The following SENP7 variants were observed in gnomAD, a reference collection of about 807,000 sequenced individuals.
SENP7 encodes the protein sentrin-specific protease 7.
SENP7 carries 64 observed loss-of-function variants against 141.2 expected under a neutral mutation model. The ratio of observed to expected loss-of-function variants is 0.45; its 90% CI spans 0.37 to 0.56. The LOEUF (loss-of-function observed/expected upper bound fraction) is 0.56. Ranked by LOEUF, SENP7 falls within the 20% of genes least tolerant of loss-of-function variation. SENP7 has a pLI of 0.00. For missense variants in SENP7, 1,025 were observed against 1,212.2 expected (o/e 0.85, Z 2.29); for synonymous variants, 382 against 426.4 (o/e 0.90, Z 1.28).
At chr3:101,487,362 T>C (rs1027033528) in intron 3 of SENP7, among the ~76,000 whole-genome samples, 2 of 152,244 alleles carry the variant, frequency 1.3e-5, no homozygotes, top group Non-Finnish European at 2.9e-5. Context: ...TTACAGAATC[T>C]GGATATTAGA....
intron 3 of SENP7, among the ~76,000 whole-genome samples, chr3:101,475,266 C>T (rs2064169974): frequency 6.6e-6 from 1 of 152,086 alleles, no homozygotes; most frequent in Non-Finnish European, 1.5e-5. Context: ...ATGTTCACTG[C>T]AGCATTATTC....
At chr3:101,388,044 C>G (rs895609361) in intron 6 of SENP7, among the ~76,000 whole-genome samples, 5 of 152,220 alleles carry the variant, frequency 3.3e-5, no homozygotes, top group African/African-American at 1.2e-4. Flanking sequence ...CCACCACAGA[C>G]ACCCACTTGT....
intron 15 of SENP7, 57 bp downstream of exon 15, chr3:101,341,589 A>T: frequency 7.4e-7 from 1 of 1,347,054 alleles, no homozygotes; most frequent in Non-Finnish European, 9.8e-7. Flanking sequence ...AAGCAGCAAC[A>T]TGAATAAAAA....
At chr3:101,402,658 C>T (rs987218605) in intron 5 of SENP7, among the ~76,000 whole-genome samples, 2 of 150,058 alleles carry the variant, frequency 1.3e-5, no homozygotes, top group African/African-American at 4.9e-5. Context: ...TTTGCCTGTA[C>T]TCTAAAAATG....
chr3:101,471,312 C>A (rs899784333), intron 3 of SENP7, among the ~76,000 whole-genome samples: 3 of 152,038 alleles, frequency 2.0e-5, no homozygotes, highest in East Asian at 3.9e-4. Context: ...AGATATAGAC[C>A]AATGGAACAG....
chr3:101,437,244 G>C (rs1326688234), intron 4 of SENP7, among the ~76,000 whole-genome samples: 1 of 152,178 alleles, frequency 6.6e-6, no homozygotes, highest in African/African-American at 2.4e-5. Flanking sequence ...TGGGCTGAGG[G>C]GGGCAGGTGG....
chr3:101,381,064 T>C (rs1170362236), intron 6 of SENP7, among the ~76,000 whole-genome samples: 1 of 152,202 alleles, frequency 6.6e-6, no homozygotes, highest in Non-Finnish European at 1.5e-5. Context: ...CACAATTATA[T>C]AAAACTTAAA....
At chr3:101,488,620 T>C (rs911802750) in intron 3 of SENP7, among the ~76,000 whole-genome samples, 2 of 152,154 alleles carry the variant, frequency 1.3e-5, no homozygotes, top group East Asian at 1.9e-4. Flanking sequence ...GGCAGCTGGA[T>C]TGCCTGAGCT....
chr3:101,380,043 C>T (rs927000623), intron 6 of SENP7, among the ~76,000 whole-genome samples: 1 of 152,148 alleles, frequency 6.6e-6, no homozygotes, highest in African/African-American at 2.4e-5. Context: ...TTTTAAGACA[C>T]TATGCTAAGC....
chr3:101,476,897 C>A (rs1421505280), intron 3 of SENP7, among the ~76,000 whole-genome samples: 2 of 152,192 alleles, frequency 1.3e-5, no homozygotes, highest in Non-Finnish European at 2.9e-5. Context: ...TAAATGTCTT[C>A]TTTTGAGAAG....
chr3:101,344,054 C>T, intron 13 of SENP7, 100 bp from the exon 14 acceptor site: 1 of 847,060 alleles, frequency 1.2e-6, no homozygotes, highest in Non-Finnish European at 1.7e-6. Context: ...TGGAATATAA[C>T]CCCAAGTATT....
At chr3:101,479,049 C>G (rs1437775919) in intron 3 of SENP7, among the ~76,000 whole-genome samples, 5 of 152,018 alleles carry the variant, frequency 3.3e-5, no homozygotes, top group Admixed American at 3.3e-4. Context: ...AAAGAACATA[C>G]CTCAGCAGGA....
At chr3:101,379,543 A>G (rs572633506) in intron 6 of SENP7, among the ~76,000 whole-genome samples, 3 of 152,328 alleles carry the variant, frequency 2.0e-5, no homozygotes, top group African/African-American at 7.2e-5. Context: ...ACATTTCTCT[A>G]AAGAAGACAT....
intron 4 of SENP7, among the ~76,000 whole-genome samples, chr3:101,456,974 T>C (rs2063373735): frequency 8.6e-6 from 1 of 116,788 alleles, no homozygotes; most frequent in African/African-American, 3.0e-5. Context: ...TTGTTTTGTT[T>C]TGTTTTGTTT....
Position 101,451,928 on chromosome 3 carries a change from T to G in SENP7, c.284+7027A>C, listed in dbSNP as rs530793746. On this transcript the variant is annotated intron_variant, in intron 4 of 23. Transcript: ENST00000394095. Reference sequence around the variant, plus strand: ...GGAAATGAGGAAGTCAAATTGTCCCTGTTTGCAGATGACATGATTGTATAT... The same window carrying G: ...GGAAATGAGGAAGTCAAATTGTCCCGGTTTGCAGATGACATGATTGTATAT... 2.6e-5 allele frequency among the ~76,000 whole-genome samples: 4 copies of G among 152,358 alleles called. No individual in the cohort carries two copies. The East Asian group carries it at 7.7e-4, about 29-fold the overall frequency.
intron 23 of SENP7, among the ~76,000 whole-genome samples, 183 bp downstream of exon 23, chr3:101,327,483 G>A (rs902151695): frequency 3.3e-5 from 5 of 151,934 alleles, no homozygotes; most frequent in Admixed American, 1.3e-4. Context: ...CACCATGATC[G>A]TAAGTTTCCT....
intron 4 of SENP7, among the ~76,000 whole-genome samples, chr3:101,442,942 G>A (rs2062738321): frequency 6.6e-6 from 1 of 152,160 alleles, no homozygotes; most frequent in African/African-American, 2.4e-5. Context: ...GAAGAGATGG[G>A]CAAAGCGAAA....
At chr3:101,421,806 T>C (rs1026459699) in intron 4 of SENP7, among the ~76,000 whole-genome samples, 1 of 152,216 alleles carries the variant, frequency 6.6e-6, no homozygotes, top group African/African-American at 2.4e-5. Context: ...TGTCATAAGA[T>C]TTCTCTGTAT....
intron 6 of SENP7, among the ~76,000 whole-genome samples, chr3:101,373,408 C>T (rs543054292): frequency 2.0e-5 from 3 of 152,118 alleles, no homozygotes; most frequent in African/African-American, 7.2e-5. Context: ...AAAAATTTGT[C>T]CTCCCTGAAA....
Sources: allele counts gnomAD v4.1 joint callset (sites outside exome capture counted in the v4.1 genomes callset), GRCh38; gene constraint gnomAD v4.1.1; transcripts MANE v1.5; gene names NCBI Gene and HGNC (gene_info 2026-07-23, HGNC 2026-07-21).